Variants in PPM1A observed in about 807,000 individuals in gnomAD.
PPM1A encodes protein phosphatase, Mg2+/Mn2+ dependent 1A.
Under a neutral mutation model 35.0 loss-of-function variants are expected in PPM1A, and 7 were observed. That is an observed-to-expected ratio of 0.20 (90% CI 0.11 to 0.38). The LOEUF (loss-of-function observed/expected upper bound fraction) is 0.38, where lower values mean the gene tolerates loss of function less well. Ranked by LOEUF, PPM1A falls within the 10% of genes least tolerant of loss-of-function variation. The pLI is 1.00. For missense variants in PPM1A, 239 were observed against 467.8 expected (o/e 0.51, Z 4.51); for synonymous variants, 153 against 167.3 (o/e 0.91, Z 0.66).
intron 1 of PPM1A, among the ~76,000 whole-genome samples, chr14:60,271,899 C>T (rs918295785): frequency 2.0e-5 from 3 of 152,172 alleles, no homozygotes; most frequent in Middle Eastern, 3.4e-3. Flanking sequence ...ATACATTTCT[C>T]AGAACAAGGT....
At chr14:60,259,159 A>G (rs1056137702) in intron 1 of PPM1A, among the ~76,000 whole-genome samples, 2 of 152,150 alleles carry the variant, frequency 1.3e-5, no homozygotes, top group Non-Finnish European at 2.9e-5. Context: ...GCATGTCACA[A>G]TTCATGAACT....
intron 1 of PPM1A, among the ~76,000 whole-genome samples, chr14:60,265,696 A>C (rs1269897826): frequency 6.6e-6 from 1 of 152,150 alleles, no homozygotes; most frequent in East Asian, 1.9e-4. Flanking sequence ...GAGGGTGGTA[A>C]GTCTAAGATT....
At chr14:60,281,201 A>C (rs1449086981) in intron 1 of PPM1A, among the ~76,000 whole-genome samples, 1 of 152,184 alleles carries the variant, frequency 6.6e-6, no homozygotes, top group Non-Finnish European at 1.5e-5. Context: ...GTGTGTATCA[A>C]CTTGATGTCA....
chr14:60,297,092 C>T lies in PPM1A; in HGVS notation c.*4610C>T, dbSNP rs1161172676. On this transcript the variant is annotated 3_prime_UTR_variant, in exon 6 of 6. Transcript: ENST00000395076. ...TCCTTATCCTGCACGAAATATTGCC[C>T]TTGTTTCCTCTACTTTCCTCTTGGT... 1 of 153,374 alleles carries T rather than the reference C, an allele frequency of 6.5e-6. No individual in the cohort carries two copies. The highest frequency in any genetic ancestry group is 2.4e-5 in the African/African-American group (1 of 41,408). 9.5% of individuals were successfully genotyped at this position (153,374 alleles called of 1,614,324 possible). A position where few individuals can be genotyped will look rare whatever the true frequency, so the allele number is the denominator to read the frequency against.
chr14:60,258,652 G>A lies in PPM1A; in HGVS notation c.-21+8975G>A, dbSNP rs189510080. 8.5e-5 allele frequency among the ~76,000 whole-genome samples: 13 copies of A among 152,148 alleles called. No individual in the cohort carries two copies. The East Asian group carries it at 2.3e-3, about 27-fold the overall frequency. On this transcript the variant is annotated intron_variant, in intron 1 of 5. Transcript: ENST00000395076. ...CTATGATATTTTTGTAGGGATAAAA[G>A]ACAACCATGTATTCTATAGATGGAA...
chr14:60,257,216 CAGTG>C (rs1002871244), intron 1 of PPM1A, among the ~76,000 whole-genome samples: 3 of 152,122 alleles, frequency 2.0e-5, no homozygotes, highest in African/African-American at 4.8e-5. Flanking sequence ...ATGAAATTCT[CAGTG>C]AGTCTGAGAA....
Position 60,283,094 on chromosome 14 carries a change from G to T in PPM1A, c.391G>T (p.Gly131Cys), listed in dbSNP as rs201779982. The T allele has an allele frequency of 6.2e-7, 1 of 1,614,168 alleles. No homozygotes were observed. The highest frequency in any genetic ancestry group is 8.5e-7 in the Non-Finnish European group (1 of 1,180,030). The part of the protein sequence containing the change: ...GADRSGSTAV[G>C]VLISPQHTYF... ...AGATAGAAGTGGGTCAACAGCTGTA[G>T]GTGTCTTAATTTCTCCCCAACATAC... The change falls in exon 2 of 6, where the codon GGT becomes TGT. Residue 131 changes from glycine (G) to cysteine (C), a missense_variant. This residue lies in a region of PPM1A where 175 missense variants were observed against 389.2 expected (regional missense o/e 0.45). Coordinates refer to ENST00000395076, the MANE Select transcript of PPM1A (RefSeq NM_021003.5). The surrounding 1 kb of genome is among the most constrained non-coding windows in gnomAD (Gnocchi z 6.3).
chr14:60,282,210 T>G lies in PPM1A; in HGVS notation c.-20-474T>G, dbSNP rs1036080640. ...TTATTTTTTAGTTTTTCAGAGTTCA[T>G]GCAGTGGGAATAAAACTAGGGAGTT... On this transcript the variant is annotated intron_variant, in intron 1 of 5. Transcript: ENST00000395076. This position sits in a 1 kb window ranked among gnomAD's most constrained non-coding sequence, Gnocchi z 5.1. Among the ~76,000 whole-genome samples, 3 of 152,212 alleles carry G rather than the reference T, an allele frequency of 2.0e-5. No homozygotes were observed. The highest frequency in any genetic ancestry group is 7.2e-5 in the African/African-American group (3 of 41,454).
chr14:60,256,038 A>G (rs533939984), intron 1 of PPM1A, among the ~76,000 whole-genome samples: 11 of 152,384 alleles, frequency 7.2e-5, no homozygotes, highest in African/African-American at 2.2e-4. Context: ...TGAACCCAAC[A>G]AGTATCTAAT....
At chr14:60,251,619 T>C (rs755439687) in intron 1 of PPM1A, among the ~76,000 whole-genome samples, 9 of 152,240 alleles carry the variant, frequency 5.9e-5, no homozygotes, top group Non-Finnish European at 1.2e-4. Flanking sequence ...AAAAATTTTT[T>C]TTTATCAATA....
At chr14:60,258,144 G>A (rs572756105) in intron 1 of PPM1A, among the ~76,000 whole-genome samples, 1 of 152,010 alleles carries the variant, frequency 6.6e-6, no homozygotes, top group Non-Finnish European at 1.5e-5. Flanking sequence ...CAGCCATCTA[G>A]TGTGATCTTT....
upstream of PPM1A, among the ~76,000 whole-genome samples, chr14:60,248,203 T>G (rs1379375446): frequency 1.3e-5 from 2 of 152,142 alleles, no homozygotes; most frequent in Admixed American, 6.5e-5. Flanking sequence ...CTAGCTAAAC[T>G]GGATTTTGGC....
chr14:60,260,963 T>C (rs1244495141), intron 1 of PPM1A, among the ~76,000 whole-genome samples: 1 of 152,152 alleles, frequency 6.6e-6, no homozygotes, highest in African/African-American at 2.4e-5. Flanking sequence ...GTATTATAAC[T>C]CAAAAGAATG....
At chr14:60,288,464 T>C in intron 3 of PPM1A, 1 of 983,640 alleles carries the variant, frequency 1.0e-6, no homozygotes, top group Non-Finnish European at 1.2e-6. Flanking sequence ...AATCCCTTTA[T>C]TTTTGTACAG....
At position 60,256,710 on chromosome 14, in the gene PPM1A, GATA is replaced by G. The variant is rs796217827; in HGVS notation, c.-21+7034_-21+7036del. On this transcript the variant is annotated intron_variant, in intron 1 of 5. Coordinates refer to ENST00000395076, the MANE Select transcript of PPM1A (RefSeq NM_021003.5). ...ATCTTCATAGCAGCCCTATGAGCTA[GATA>G]CTGTTACTACCTATATCTTAACAGA... 9.7e-4 allele frequency: 148 copies of G among 152,344 alleles called. 1 individual carries two copies. Among genetic ancestry groups the G allele is most frequent in the African/African-American group, 2.7e-3 (112 of 41,594 alleles). 9.4% of individuals were successfully genotyped at this position (152,344 alleles called of 1,614,324 possible).
chr14:60,250,313 T>G (rs1248900645), intron 1 of PPM1A: 1 of 443,384 alleles, frequency 2.3e-6, no homozygotes, highest in African/African-American at 2.1e-5. Flanking sequence ...TCCTTTTAAC[T>G]ACGTAAATCG....
intron 3 of PPM1A, chr14:60,288,090 A>C: frequency 3.1e-6 from 3 of 982,682 alleles, no homozygotes; most frequent in Non-Finnish European, 3.6e-6. Flanking sequence ...GAAAGCAGAC[A>C]GAAGCAAGGC....
At chr14:60,276,809 A>G (rs1885813769) in intron 1 of PPM1A, among the ~76,000 whole-genome samples, 5 of 152,190 alleles carry the variant, frequency 3.3e-5, no homozygotes, top group Admixed American at 3.3e-4. Flanking sequence ...GATTAAACCA[A>G]ATGACCGGGT....
In PPM1A at chr14:60,291,457, A is replaced by G; in HGVS notation, c.1119+3A>G. The stretch of plus-strand genomic sequence containing the variant: ...ATCCTTACAAAAATGACGACACTGT[A>G]AGTAGCATTTTAGCTCCCTCTGCTT... On this transcript the variant is annotated splice_donor_region_variant and intron_variant, in intron 5 of 5. Transcript: ENST00000395076. The G allele has an allele frequency of 6.4e-7, 1 of 1,572,936 alleles. No individual in the cohort carries two copies. The highest frequency in any genetic ancestry group is 8.7e-7 in the Non-Finnish European group (1 of 1,152,648).
Sources: gnomAD v4.1 joint callset for allele counts (sites outside exome capture counted in the v4.1 genomes callset) on GRCh38, gnomAD v4.1.1 for gene constraint, gnomAD v4.1.1 regional missense constraint, Gnocchi (gnomAD v3.1) non-coding constraint, MANE v1.5 for transcripts, NCBI Gene and HGNC (gene_info 2026-07-23, HGNC 2026-07-21) for gene names.